CDC73: variants seen among roughly 807,000 people sequenced by gnomAD.
CDC73 encodes parafibromin.
CDC73 carries 21 observed loss-of-function variants against 83.7 expected under a neutral mutation model. That is an observed-to-expected ratio of 0.25 (90% CI 0.18 to 0.36). The LOEUF (loss-of-function observed/expected upper bound fraction) is 0.36, where lower values mean the gene tolerates loss of function less well. Among genes scored for constraint, CDC73 ranks in the 10% least tolerant of loss-of-function variants. The pLI, the probability that CDC73 is intolerant of heterozygous loss-of-function variation, is 1.00. For missense variants in CDC73, 342 were observed against 653.3 expected (o/e 0.52, Z 5.19); for synonymous variants, 224 against 212.9 (o/e 1.05, Z -0.45).
chr1:193,204,282 TA>T (rs1677147471), intron 11 of CDC73, among the ~76,000 whole-genome samples: 1 of 140,974 alleles, frequency 7.1e-6, no homozygotes, highest in Non-Finnish European at 1.6e-5. Flanking sequence ...TGTGTGTATA[TA>T]TATATTTTTT....
chr1:193,227,145 G>A (rs1321880444), intron 13 of CDC73, among the ~76,000 whole-genome samples: 1 of 151,958 alleles, frequency 6.6e-6, no homozygotes, highest in Non-Finnish European at 1.5e-5. Context: ...TTGTCTTTCG[G>A]TGGTGTCAGG....
Position 193,148,639 on chromosome 1 carries a change from A to ATTTTTTTT in CDC73, c.828+693_828+700dup, listed in dbSNP as rs894987430. On this transcript the variant is annotated intron_variant, in intron 8 of 16. Coordinates refer to ENST00000367435, the MANE Select transcript of CDC73 (RefSeq NM_024529.5). The stretch of plus-strand genomic sequence containing the variant: ...AGATTCTATAAATAGAAAATTTATA[A>ATTTTTTTT]TTTTTTTTTTTTTTTTTTTTTTTTT... Among the ~76,000 whole-genome samples the ATTTTTTTT allele has an allele frequency of 5.3e-5, 6 of 113,682 alleles. 1 individual carries two copies. Among genetic ancestry groups the ATTTTTTTT allele is most frequent in the African/African-American group, 1.4e-4 (4 of 28,984 alleles). 74.6% of individuals were successfully genotyped at this position (113,682 alleles called of 152,430 possible). A position where few individuals can be genotyped will look rare whatever the true frequency, so the allele number is the denominator to read the frequency against.
At chr1:193,134,612 A>G (rs112811957) in intron 3 of CDC73, among the ~76,000 whole-genome samples, 16 of 152,258 alleles carry the variant, frequency 1.1e-4, no homozygotes, top group African/African-American at 3.6e-4. Flanking sequence ...TGGAGCTTGC[A>G]GTAAGCCAGG....
intron 10 of CDC73, chr1:193,180,471 G>A (rs1219060128): frequency 2.5e-6 from 4 of 1,613,996 alleles, no homozygotes; most frequent in Non-Finnish European, 3.4e-6. Context: ...GCCAGTGATT[G>A]AACACAAACT....
At chr1:193,222,756 C>CTTT (rs59773568) in intron 13 of CDC73, among the ~76,000 whole-genome samples, 28 of 117,188 alleles carry the variant, frequency 2.4e-4, no homozygotes, top group South Asian at 5.9e-4. Flanking sequence ...ATGAAATAAG[C>CTTT]TTTTTTTTTT....
intron 5 of CDC73, among the ~76,000 whole-genome samples, chr1:193,136,109 G>A (rs1363605147): frequency 6.6e-6 from 1 of 151,938 alleles, no homozygotes; most frequent in Admixed American, 6.6e-5. Flanking sequence ...TTTATGAAAG[G>A]CCAGATAGTA....
chr1:193,247,689 A>G lies in CDC73; in HGVS notation c.1418-2041A>G, dbSNP rs150913517. ...ACACAAATAATAAGAAAGCAAAACA[A>G]CCTTATTGCTGATATGGGGAAAGCT... On this transcript the variant is annotated intron_variant, in intron 15 of 16. Coordinates refer to ENST00000367435, the MANE Select transcript of CDC73 (RefSeq NM_024529.5). Among the ~76,000 whole-genome samples the G allele has an allele frequency of 9.5e-3, 1,441 of 152,122 alleles. 15 individuals carry two copies. The highest frequency in any genetic ancestry group is 0.034 in the South Asian group (164 of 4,822).
chr1:193,240,400 C>A (rs562010930), intron 15 of CDC73, among the ~76,000 whole-genome samples: 21 of 152,296 alleles, frequency 1.4e-4, no homozygotes, highest in African/African-American at 4.3e-4. Flanking sequence ...GCTGGATCAT[C>A]CAGTAGTTCT....
intron 10 of CDC73, among the ~76,000 whole-genome samples, chr1:193,155,137 C>CTA (rs1229212187): frequency 2.0e-5 from 3 of 151,944 alleles, no homozygotes; most frequent in Admixed American, 6.6e-5. Context: ...AGATAATTTC[C>CTA]TATATATATA....
At chr1:193,214,505 C>G (rs976994564) in intron 13 of CDC73, among the ~76,000 whole-genome samples, 6 of 152,092 alleles carry the variant, frequency 3.9e-5, no homozygotes, top group Non-Finnish European at 5.9e-5. Context: ...ATCATGAGGT[C>G]AGGAGATCAA....
At chr1:193,124,576 C>T (rs76730431) in intron 1 of CDC73, among the ~76,000 whole-genome samples, 1,897 of 152,248 alleles carry the variant, frequency 0.012, 38 homozygotes, top group African/African-American at 0.043. Context: ...ATTGTTTTAT[C>T]ACAGGTAGAA....
intron 15 of CDC73, among the ~76,000 whole-genome samples, chr1:193,241,627 G>A (rs914879067): frequency 1.3e-5 from 2 of 152,168 alleles, no homozygotes; most frequent in South Asian, 4.1e-4. Flanking sequence ...AGGACAGTGC[G>A]CAGGCCCACA....
intron 5 of CDC73, among the ~76,000 whole-genome samples, chr1:193,137,740 G>C (rs903505766): frequency 9.2e-5 from 14 of 152,148 alleles, no homozygotes; most frequent in African/African-American, 3.4e-4. Context: ...TCTGGTGAAG[G>C]CTTGTCATAA....
At chr1:193,233,400 G>A (rs1677696387) in intron 14 of CDC73, among the ~76,000 whole-genome samples, 2 of 152,150 alleles carry the variant, frequency 1.3e-5, no homozygotes, top group African/African-American at 4.8e-5. Flanking sequence ...TCTGTATATT[G>A]TTGGTTGTTT....
At chr1:193,131,712 A>G (rs1393329169) in intron 3 of CDC73, among the ~76,000 whole-genome samples, 3 of 152,018 alleles carry the variant, frequency 2.0e-5, no homozygotes, top group Non-Finnish European at 4.4e-5. Context: ...TTCTCTTTCT[A>G]TCTTGAGTTG....
rs143535399 is a variant in CDC73 at position 193,139,869 on chromosome 1, GA to G, written c.512+1698del. Among the ~76,000 whole-genome samples the G allele has an allele frequency of 3.3e-5, 5 of 152,308 alleles. No individual in the cohort carries two copies. In the East Asian group the frequency reaches 9.6e-4, roughly 29 times the overall value. Reference sequence around the variant, plus strand: ...ACGTGAGGTTTCATTCTGGCTAGTGGAACAGGCACTATTCTTCACTTTGTGT... The same window carrying G: ...ACGTGAGGTTTCATTCTGGCTAGTGGACAGGCACTATTCTTCACTTTGTGT... On this transcript the variant is annotated intron_variant, in intron 6 of 16. Coordinates refer to ENST00000367435, the MANE Select transcript of CDC73 (RefSeq NM_024529.5).
chr1:193,138,171 T>A lies in CDC73; in HGVS notation c.510T>A (p.Ile170=). The A allele has an allele frequency of 6.3e-7, 1 of 1,598,004 alleles. No individual in the cohort carries two copies. Among genetic ancestry groups the A allele is most frequent in the Non-Finnish European group, 8.6e-7 (1 of 1,165,374 alleles). ...HKEGIVQTEQ[I]RSLSEAMSVE... ...AAGGGATTGTACAGACTGAACAGAT[T>A]AGGTAAGAATTCTTTTTAAGTAGAA... Residue 170 remains isoleucine, a splice_region_variant and synonymous_variant, in exon 6 of 17, where the codon ATT becomes ATA. Transcript: ENST00000367435.
At chr1:193,183,325 T>C (rs565981276) in intron 10 of CDC73, among the ~76,000 whole-genome samples, 2 of 138,992 alleles carry the variant, frequency 1.4e-5, no homozygotes, top group South Asian at 5.2e-4. Context: ...AGAGTACTTT[T>C]AGAAGTTATA....
intron 10 of CDC73, among the ~76,000 whole-genome samples, chr1:193,192,004 CAA>C (rs1676927921): frequency 6.6e-6 from 1 of 152,078 alleles, no homozygotes; most frequent in Non-Finnish European, 1.5e-5. Context: ...TAAAGTATAA[CAA>C]ACAATTTGTA....
Sources: gnomAD v4.1 joint callset for allele counts (sites outside exome capture counted in the v4.1 genomes callset) on GRCh38, gnomAD v4.1.1 for gene constraint, MANE v1.5 for transcripts, NCBI Gene and HGNC (gene_info 2026-07-23, HGNC 2026-07-21) for gene names.